PIEZO1: variants seen among roughly 807,000 people sequenced by gnomAD.
PIEZO1 encodes the protein piezo type mechanosensitive ion channel component 1 (Er blood group).
PIEZO1 carries 296 observed loss-of-function variants against 297.2 expected under a neutral mutation model. That is an observed-to-expected ratio of 1.00 (90% confidence interval 0.91 to 1.10). The LOEUF (loss-of-function observed/expected upper bound fraction) is 1.10, where lower values mean the gene tolerates loss of function less well. Among genes scored for constraint, PIEZO1 ranks in the 50% least tolerant of loss-of-function variants. The probability of loss-of-function intolerance (pLI) is 0.00; values close to 1 mark genes in which losing one functional copy is unlikely to be tolerated. For synonymous variants in PIEZO1, 2,427 were observed against 1,507.5 expected (o/e 1.61, Z -14.13); for missense variants, 5,018 against 3,455.5 (o/e 1.45, Z -11.34).
chr16:88,764,183 G>T (rs1907060037), intron 1 of PIEZO1, among the ~76,000 whole-genome samples: 1 of 152,148 alleles, frequency 6.6e-6, no homozygotes, highest in African/African-American at 2.4e-5. Context: ...CGGAGGGTGG[G>T]GCGGGGTACG....
At chr16:88,757,851 C>T (rs977465244) in intron 1 of PIEZO1, among the ~76,000 whole-genome samples, 1 of 152,168 alleles carries the variant, frequency 6.6e-6, no homozygotes, top group Non-Finnish European at 1.5e-5. Context: ...CAGGCAGACT[C>T]CCCCAGCAGC....
chr16:88,749,027 G>A (rs573669842), intron 2 of PIEZO1, among the ~76,000 whole-genome samples: 19 of 151,106 alleles, frequency 1.3e-4, no homozygotes, highest in African/African-American at 3.9e-4. Flanking sequence ...CACAAGGTCA[G>A]GAGATCGAGA....
At chr16:88,772,265 G>T (rs1461957971) in intron 1 of PIEZO1, among the ~76,000 whole-genome samples, 1 of 152,270 alleles carries the variant, frequency 6.6e-6, no homozygotes, top group Non-Finnish European at 1.5e-5. Flanking sequence ...CTCAGAAGGA[G>T]GGCCCAGAAT....
Position 88,738,457 on chromosome 16 carries a change from CA to C in PIEZO1, c.635-18del, listed in dbSNP as rs1372467093. On this transcript the variant is annotated intron_variant, in intron 6 of 50. Coordinates refer to ENST00000301015, the MANE Select transcript of PIEZO1 (RefSeq NM_001142864.4). ...GGGCGATGCCTGCGGGGCAGGGGCA[CA>C]CAGGGTGGTACCTGGCCAGTGCCAT... 9.1e-6 allele frequency: 14 copies of C among 1,534,076 alleles called. No individual in the cohort carries two copies. The highest frequency in any genetic ancestry group is 3.9e-5 in the Admixed American group (2 of 50,970).
intron 19 of PIEZO1, 30 bp from the exon 20 acceptor site, chr16:88,732,762 T>C (rs1039702971): frequency 1.3e-6 from 2 of 1,514,332 alleles, no homozygotes; most frequent in African/African-American, 2.8e-5. Flanking sequence ...CAGTGCCCCC[T>C]CCCAGGCCAC....
intron 44 of PIEZO1, chr16:88,719,285 C>A (rs571888920): frequency 1.0e-5 from 4 of 397,280 alleles, no homozygotes; most frequent in African/African-American, 8.1e-5. Context: ...AACAAGAATG[C>A]AGCAAACAGT....
At chr16:88,769,140 T>A (rs550497684) in intron 1 of PIEZO1, among the ~76,000 whole-genome samples, 1 of 152,226 alleles carries the variant, frequency 6.6e-6, no homozygotes, top group African/African-American at 2.4e-5. Context: ...TAATGAGGTA[T>A]CTTGGGGATG....
chr16:88,722,031 A>C lies in PIEZO1; in HGVS notation c.4991T>G (p.Leu1664Arg), dbSNP rs1597445488. Residue 1664 changes from leucine (L) to arginine (R), a missense_variant, in exon 37 of 51, where the codon CTG (leucine) becomes CGG (arginine). Physicochemically the swap from Leu to Arg is moderately radical, Grantham distance 102. Coordinates refer to ENST00000301015, the MANE Select transcript of PIEZO1 (RefSeq NM_001142864.4). ...CGCCCGGCCCTGCCCCTCCGCAAAC[A>C]GCTCTGCCTCCTCCAGCTCTGGGAT... ...LRIPELEEAE[L>R]FAEGQGRALR... 6.5e-7 allele frequency: 1 copy of C among 1,548,044 alleles called. No individual in the cohort carries two copies. Among genetic ancestry groups the C allele is most frequent in the East Asian group, 2.4e-5 (1 of 40,898 alleles).
chr16:88,721,961 C>G lies in PIEZO1; in HGVS notation c.5061G>C (p.Ser1687=). The change falls in exon 37 of 51, where the codon TCG becomes TCC. Residue 1687 remains serine, a synonymous_variant. Coordinates refer to ENST00000301015, the MANE Select transcript of PIEZO1 (RefSeq NM_001142864.4). ...TGATGATGAAGTAGCAGAGCAGCTC[C>G]GAGTGGGCGGCCACACACTGGTACA... ...RAVYQCVAAH[S]ELLCYFIIIL... The G allele has an allele frequency of 6.5e-7, 1 of 1,550,074 alleles. No homozygotes were observed. Among genetic ancestry groups the G allele is most frequent in the South Asian group, 1.2e-5 (1 of 84,056 alleles).
chr16:88,784,903 G>C lies in PIEZO1; in HGVS notation c.62C>G (p.Ala21Gly), dbSNP rs1452825069. The stretch of plus-strand genomic sequence containing the variant: ...CCAGGCGCCCGCCCCCCACTCACCA[G>C]CCAGCAGCGCGCAGGGCAGCAGCAG... Reference protein sequence around the residue: ...YWLLLPCALLAACLLRFSGLS... With the variant: ...YWLLLPCALLGACLLRFSGLS... Residue 21 changes from alanine (A) to glycine (G), a missense_variant and splice_region_variant, in exon 1 of 51, where the codon GCT becomes GGT. By Grantham distance (60) the Ala-to-Gly change is moderately conservative. Coordinates refer to ENST00000301015, the MANE Select transcript of PIEZO1 (RefSeq NM_001142864.4). The C allele has an allele frequency of 7.0e-7, 1 of 1,433,136 alleles. No homozygotes were observed. Among genetic ancestry groups the C allele is most frequent in the Non-Finnish European group, 9.2e-7 (1 of 1,090,420 alleles). The allele number at this position is 1,433,136 out of a possible 1,614,324, so 88.8% of individuals were successfully genotyped here.
chr16:88,732,990 T>C, intron 19 of PIEZO1: 1 of 580,244 alleles, frequency 1.7e-6, no homozygotes, highest in Non-Finnish European at 3.1e-6. Flanking sequence ...CAGGCAGAGA[T>C]GCCTGACTGT....
At chr16:88,781,498 G>A (rs945588595) in intron 1 of PIEZO1, among the ~76,000 whole-genome samples, 1 of 152,232 alleles carries the variant, frequency 6.6e-6, no homozygotes, top group African/African-American at 2.4e-5. Flanking sequence ...CTCTCCTGCT[G>A]ACTCATCCAG....
intron 1 of PIEZO1, among the ~76,000 whole-genome samples, chr16:88,777,913 C>T (rs1159999104): frequency 1.3e-5 from 2 of 152,180 alleles, no homozygotes; most frequent in Non-Finnish European, 2.9e-5. Flanking sequence ...CATCTGTCCC[C>T]TCCTTTGACG....
At chr16:88,766,406 G>A (rs904785118) in intron 1 of PIEZO1, among the ~76,000 whole-genome samples, 3 of 152,190 alleles carry the variant, frequency 2.0e-5, no homozygotes, top group Non-Finnish European at 4.4e-5. Flanking sequence ...AATCGCGTGC[G>A]TCAGCTCCTT....
rs1904937786 is a variant in PIEZO1, at chr16:88,732,616, G to A, written c.2781C>T (p.Gly927=). The A allele has an allele frequency of 3.2e-6, 5 of 1,549,032 alleles. No homozygotes were observed. Among genetic ancestry groups the A allele is most frequent in the Non-Finnish European group, 4.4e-6 (5 of 1,146,180 alleles). ...FGVRKGFPNL[G]YIQNHLQVLL... The stretch of plus-strand genomic sequence containing the variant: ...CAGCCCTTCAACTCACCTGGATGTA[G>A]CCCAGGTTGGGGAACCCTTTCCGCA... Residue 927 remains glycine (G), a synonymous_variant, in exon 20 of 51, where the codon GGC becomes GGT. Transcript: ENST00000301015.
Position 88,719,861 on chromosome 16 carries a change from G to A in PIEZO1, c.6264C>T (p.Arg2088=). Reference sequence around the variant, plus strand: ...TCTTGGTGAGGAAGTTGCCGAGGATGCGGGTGGGGTAGCCGCAGCGGATCT... The same window carrying A: ...TCTTGGTGAGGAAGTTGCCGAGGATACGGGTGGGGTAGCCGCAGCGGATCT... ...AYQIRCGYPT[R]ILGNFLTKKY... The change falls in exon 43 of 51, where the codon CGC becomes CGT. Residue 2088 remains arginine (R), a synonymous_variant. Transcript: ENST00000301015. 1 of 1,550,552 alleles carries A rather than the reference G, an allele frequency of 6.4e-7. No individual in the cohort carries two copies. The highest frequency in any genetic ancestry group is 8.7e-7 in the Non-Finnish European group (1 of 1,146,946).
intron 27 of PIEZO1, 187 bp downstream of exon 27, chr16:88,726,097 A>T: frequency 1.7e-6 from 1 of 604,856 alleles, no homozygotes; most frequent in South Asian, 2.0e-5. Context: ...CAGACCCAGC[A>T]CTGGGGCAGA....
At chr16:88,751,440 G>C (rs1906383066) in intron 1 of PIEZO1, among the ~76,000 whole-genome samples, 1 of 152,198 alleles carries the variant, frequency 6.6e-6, no homozygotes. Flanking sequence ...AGACACGAAA[G>C]AATCGCGCTC....
intron 1 of PIEZO1, among the ~76,000 whole-genome samples, chr16:88,758,448 T>G (rs1411719459): frequency 6.6e-6 from 1 of 152,200 alleles, no homozygotes. Flanking sequence ...GGGCTCCTCC[T>G]GCTGTGATGC....
Sources: gnomAD v4.1 joint callset for allele counts (sites outside exome capture counted in the v4.1 genomes callset) on GRCh38, gnomAD v4.1.1 for gene constraint, MANE v1.5 for transcripts, NCBI Gene and HGNC (gene_info 2026-07-23, HGNC 2026-07-21) for gene names.